The following PLCE1 variants were observed in gnomAD, a reference collection of about 807,000 sequenced individuals.
The protein encoded by PLCE1 is phospholipase C epsilon 1.
PLCE1 carries 119 observed loss-of-function variants against 242.8 expected under a neutral mutation model. The ratio of observed to expected loss-of-function variants is 0.49; its 90% CI spans 0.42 to 0.57. The LOEUF (loss-of-function observed/expected upper bound fraction) is 0.57. Ranked by LOEUF, PLCE1 falls within the 20% of genes least tolerant of loss-of-function variation. The pLI, the probability that PLCE1 is intolerant of heterozygous loss-of-function variation, is 0.00. For missense variants in PLCE1, 2,441 were observed against 2,788.8 expected (o/e 0.88, Z 2.81); for synonymous variants, 945 against 1,017.4 (o/e 0.93, Z 1.35).
chr10:94,141,403 G>T (rs2046949046), intron 3 of PLCE1, among the ~76,000 whole-genome samples: 1 of 151,798 alleles, frequency 6.6e-6, no homozygotes, highest in African/African-American at 2.4e-5. Context: ...GCTTATGAAA[G>T]GAACAAATTA....
chr10:94,312,633 C>T (rs1316225573), intron 27 of PLCE1, among the ~76,000 whole-genome samples: 2 of 152,338 alleles, frequency 1.3e-5, no homozygotes, highest in South Asian at 2.1e-4. Context: ...CAACTGCCTA[C>T]TTTCCCCTCT....
At chr10:94,118,889 A>G (rs1358163509) in intron 2 of PLCE1, among the ~76,000 whole-genome samples, 4 of 152,176 alleles carry the variant, frequency 2.6e-5, no homozygotes, top group African/African-American at 9.6e-5. Context: ...TGCAGTTTTA[A>G]TGCCACGACC....
intron 4 of PLCE1, among the ~76,000 whole-genome samples, chr10:94,198,000 A>AAAT: frequency 6.6e-6 from 1 of 151,262 alleles, no homozygotes; most frequent in African/African-American, 2.4e-5. Flanking sequence ...AAAAAAAAAA[A>AAAT]AAAAAAAAAA....
At chr10:94,308,056 G>A (rs2053264969) in intron 26 of PLCE1, among the ~76,000 whole-genome samples, 1 of 152,158 alleles carries the variant, frequency 6.6e-6, no homozygotes, top group African/African-American at 2.4e-5. Flanking sequence ...TAATCTTTGT[G>A]TTTTGTAACT....
chr10:94,330,649 G>T lies in PLCE1; in HGVS notation c.*2706G>T, dbSNP rs1213455073. ...AGAGGTTGCAGTGAGTGGAGACTGT[G>T]CCACTGCACTCCAGCCTGGGTACAA... On this transcript the variant is annotated 3_prime_UTR_variant, in exon 33 of 33. Coordinates refer to ENST00000371380, the MANE Select transcript of PLCE1 (RefSeq NM_016341.4). 2 of 148,926 alleles carry T rather than the reference G, an allele frequency of 1.3e-5. No individual in the cohort carries two copies. Among genetic ancestry groups the T allele is most frequent in the South Asian group, 2.1e-4 (1 of 4,720 alleles). 9.2% of individuals were successfully genotyped at this position (148,926 alleles called of 1,614,324 possible). A position where few individuals can be genotyped will look rare whatever the true frequency, so the allele number is the denominator to read the frequency against.
intron 4 of PLCE1, among the ~76,000 whole-genome samples, chr10:94,196,694 G>A (rs1339693485): frequency 6.6e-6 from 1 of 152,012 alleles, no homozygotes; most frequent in East Asian, 1.9e-4. Flanking sequence ...AATGAGGTGG[G>A]ACTCACCAGC....
chr10:94,090,415 A>C (rs542045295), intron 2 of PLCE1, among the ~76,000 whole-genome samples: 1 of 152,334 alleles, frequency 6.6e-6, no homozygotes, highest in South Asian at 2.1e-4. Flanking sequence ...TACAACCCTG[A>C]GAGATGGATA....
intron 2 of PLCE1, among the ~76,000 whole-genome samples, chr10:94,068,146 A>G (rs1159172254): frequency 6.6e-6 from 1 of 152,142 alleles, no homozygotes; most frequent in Non-Finnish European, 1.5e-5. Context: ...GCAGTCACCT[A>G]TGTCTGAAAT....
At chr10:94,081,540 A>G (rs974281019) in intron 2 of PLCE1, among the ~76,000 whole-genome samples, 31 of 152,344 alleles carry the variant, frequency 2.0e-4, no homozygotes, top group African/African-American at 7.2e-4. Flanking sequence ...TGCAGTATGC[A>G]GTTGAGTATA....
chr10:94,230,895 C>T (rs1468500959), intron 5 of PLCE1, among the ~76,000 whole-genome samples: 1 of 152,216 alleles, frequency 6.6e-6, no homozygotes, highest in East Asian at 1.9e-4. Flanking sequence ...CAGGCATGAG[C>T]CACTGCACCT....
At chr10:94,090,840 T>C (rs2135364347) in intron 2 of PLCE1, among the ~76,000 whole-genome samples, 1 of 152,290 alleles carries the variant, frequency 6.6e-6, no homozygotes. Flanking sequence ...TGTATTTTCT[T>C]TTAGTGGGAT....
intron 6 of PLCE1, 117 bp downstream of exon 6, chr10:94,234,429 TTA>T: frequency 8.9e-7 from 1 of 1,129,538 alleles, no homozygotes. Context: ...TTAATAGTTG[TTA>T]TATTATTTCT....
At chr10:94,213,820 A>T (rs1025436621) in intron 4 of PLCE1, among the ~76,000 whole-genome samples, 13 of 152,172 alleles carry the variant, frequency 8.5e-5, no homozygotes, top group East Asian at 5.8e-4. Flanking sequence ...TATCAGTATT[A>T]GTTGACATTT....
At chr10:94,006,194 G>T (rs1432895736) in intron 1 of PLCE1, among the ~76,000 whole-genome samples, 1 of 152,196 alleles carries the variant, frequency 6.6e-6, no homozygotes, top group African/African-American at 2.4e-5. Flanking sequence ...TCTGTAAAAT[G>T]GACATAGTCA....
chr10:94,157,199 C>A (rs935427038), intron 3 of PLCE1, among the ~76,000 whole-genome samples: 1 of 152,058 alleles, frequency 6.6e-6, no homozygotes, highest in Admixed American at 6.5e-5. Context: ...GTTTCCATAG[C>A]CTGAAATGGT....
At position 94,045,103 on chromosome 10, in the gene PLCE1, C is replaced by T. The variant is rs148570318; in HGVS notation, c.1206+12851C>T. On this transcript the variant is annotated intron_variant, in intron 2 of 32. Transcript: ENST00000371380. ...GCAGTCTGGAACTCCTGGGCTCAAG[C>T]AGTCCTCCTGCTTCAGCCTCCTGAG... Among the ~76,000 whole-genome samples the T allele has an allele frequency of 1.2e-3, 176 of 152,134 alleles. 2 individuals carry two copies. The highest frequency in any genetic ancestry group is 3.9e-3 in the African/African-American group (162 of 41,492).
intron 2 of PLCE1, among the ~76,000 whole-genome samples, chr10:94,083,835 C>T (rs1171533667): frequency 6.6e-6 from 1 of 152,172 alleles, no homozygotes; most frequent in African/African-American, 2.4e-5. Flanking sequence ...CAACAGGGGC[C>T]TGTTGCCAGT....
At chr10:94,116,311 A>G (rs2046127851) in intron 2 of PLCE1, among the ~76,000 whole-genome samples, 1 of 152,202 alleles carries the variant, frequency 6.6e-6, no homozygotes, top group South Asian at 2.1e-4. Context: ...AATGATGTTT[A>G]ACATTCTGTG....
Position 94,031,860 on chromosome 10 carries a change from A to G in PLCE1, c.814A>G (p.Lys272Glu), listed in dbSNP as rs1439165211. ...CTTTTGCTTTGAAGGCTCTTGTGAG[A>G]AGGTTGACATGGTATATTCAGGTGA... is the stretch of plus-strand genomic sequence containing the variant. ...KYFCFEGSCE[K>E]VDMVYSGDSF... Residue 272 changes from lysine to glutamate, a missense_variant, in exon 2 of 33, where the codon AAG (lysine) becomes GAG (glutamate). By Grantham distance (56) the Lys-to-Glu change is moderately conservative. This residue lies in a region of PLCE1 where 393 missense variants were observed against 378.5 expected (regional missense o/e 1.04). Coordinates refer to ENST00000371380, the MANE Select transcript of PLCE1 (RefSeq NM_016341.4). 1 of 1,613,900 alleles carries G rather than the reference A, an allele frequency of 6.2e-7. No homozygotes were observed. The highest frequency in any genetic ancestry group is 8.5e-7 in the Non-Finnish European group (1 of 1,179,880).
Sources: allele counts gnomAD v4.1 joint callset (sites outside exome capture counted in the v4.1 genomes callset), GRCh38; gene constraint gnomAD v4.1.1; regional missense constraint gnomAD v4.1.1; transcripts MANE v1.5; gene names NCBI Gene and HGNC (gene_info 2026-07-23, HGNC 2026-07-21).